SLC45A2: variants seen among roughly 807,000 people sequenced by gnomAD.
The protein encoded by SLC45A2 is membrane-associated transporter protein.
SLC45A2 carries 36 observed loss-of-function variants against 45.5 expected under a neutral mutation model. The ratio of observed to expected loss-of-function variants is 0.79; its 90% CI spans 0.61 to 1.04. SLC45A2 has a LOEUF of 1.04. Among genes scored for constraint, SLC45A2 ranks in the 50% least tolerant of loss-of-function variants. The probability of loss-of-function intolerance (pLI) is 0.00; values close to 1 mark genes in which losing one functional copy is unlikely to be tolerated. For missense variants in SLC45A2, 719 were observed against 671.0 expected (o/e 1.07, Z -0.79); for synonymous variants, 306 against 269.3 (o/e 1.14, Z -1.33).
intron 2 of SLC45A2, chr5:33,970,923 G>A (rs545497757): frequency 7.4e-6 from 3 of 405,310 alleles, no homozygotes; most frequent in Non-Finnish European, 1.4e-5. Context: ...AGAGTGCATG[G>A]AGATGGGCAC....
In SLC45A2 at chr5:33,982,274, T is replaced by C; in HGVS notation, c.524A>G (p.Asp175Gly). ...AYLFDVCSHQDKEKGLHYHAL... is the reference protein window; with the variant it reads ...AYLFDVCSHQGKEKGLHYHAL... ...ATGGTAGTGGAGGCCCTTCTCCTTG[T>C]CCTGATGGGAGCAGACATCAAATAA... The change falls in exon 2 of 7, where the codon GAC becomes GGC. Residue 175 changes from aspartate (D) to glycine (G), a missense_variant. By Grantham distance (94) the Asp-to-Gly change is moderately conservative. Coordinates refer to ENST00000296589, the MANE Select transcript of SLC45A2 (RefSeq NM_016180.5). 6 of 1,614,070 alleles carry C rather than the reference T, an allele frequency of 3.7e-6. No individual in the cohort carries two copies. Among genetic ancestry groups the C allele is most frequent in the Non-Finnish European group, 5.1e-6 (6 of 1,179,988 alleles).
Position 33,951,410 on chromosome 5 carries a change from A to G in SLC45A2, c.1156+144T>C, listed in dbSNP as rs186752380. The G allele has an allele frequency of 2.6e-4, 415 of 1,581,736 alleles. 2 individuals carry two copies. The African/African-American group carries it at 4.4e-3, about 17-fold the overall frequency. Reference sequence around the variant, plus strand: ...AAGGATGCTTTATATGGTCCTTTTTAAGGTGATAGTTTTTCCTGACGTCCA... The same window carrying G: ...AAGGATGCTTTATATGGTCCTTTTTGAGGTGATAGTTTTTCCTGACGTCCA... On this transcript the variant is annotated intron_variant, in intron 5 of 6. Coordinates refer to ENST00000296589, the MANE Select transcript of SLC45A2 (RefSeq NM_016180.5).
rs907784216 is a variant in SLC45A2, at chr5:33,982,154, G to A, written c.562+82C>T. 8.6e-6 allele frequency: 13 copies of A among 1,515,294 alleles called. No homozygotes were observed. The East Asian group carries it at 1.4e-4, about 16-fold the overall frequency. The allele number at this position is 1,515,294 out of a possible 1,614,324, so 93.9% of individuals were successfully genotyped here. ...GACCCGTTCATTCAAAAAACTCCAC[G>A]TGTAGAGACACTGGATGGCTTTAGT... On this transcript the variant is annotated intron_variant, in intron 2 of 6. Transcript: ENST00000296589.
intron 3 of SLC45A2, among the ~76,000 whole-genome samples, chr5:33,959,059 AC>A (rs1373087192): frequency 6.6e-6 from 1 of 152,144 alleles, no homozygotes; most frequent in Non-Finnish European, 1.5e-5. Flanking sequence ...TTATTTGATT[AC>A]TTTTTCCCTT....
chr5:33,963,095 A>C (rs560400307), intron 3 of SLC45A2, among the ~76,000 whole-genome samples: 1 of 152,184 alleles, frequency 6.6e-6, no homozygotes, highest in Admixed American at 6.5e-5. Context: ...TTTTTATTTT[A>C]ATTTAAATAG....
At chr5:33,970,151 G>A (rs914984906) in intron 2 of SLC45A2, among the ~76,000 whole-genome samples, 1 of 152,190 alleles carries the variant, frequency 6.6e-6, no homozygotes, top group African/African-American at 2.4e-5. Flanking sequence ...GTCCCCACCT[G>A]CCTCCCTTGC....
rs1418498300 is a variant in SLC45A2 at position 33,944,838 on chromosome 5, CTGT to C, written c.1400_1402del (p.Asn467del). ...GCAGTCCATGCCCTTCCCTCTCACG[CTGT>C]TGTCTGGGTCCCCTCCTGGGGCCTG... On this transcript the variant is annotated inframe_deletion, in exon 7 of 7. Transcript: ENST00000296589. 7.4e-6 allele frequency: 12 copies of C among 1,613,782 alleles called. No homozygotes were observed. The highest frequency in any genetic ancestry group is 9.3e-6 in the Non-Finnish European group (11 of 1,179,908).
chr5:33,974,783 T>A (rs1752876295), intron 2 of SLC45A2, among the ~76,000 whole-genome samples: 1 of 152,192 alleles, frequency 6.6e-6, no homozygotes, highest in Non-Finnish European at 1.5e-5. Context: ...ATTCACACTT[T>A]GAACACAGGG....
intron 1 of SLC45A2, among the ~76,000 whole-genome samples, chr5:33,983,380 C>A (rs912777080): frequency 6.6e-6 from 1 of 152,250 alleles, no homozygotes; most frequent in African/African-American, 2.4e-5. Context: ...CTACCCGCCA[C>A]TTCTCACCTC....
rs765728530 is a variant in SLC45A2 at position 33,947,380 on chromosome 5, G to A, written c.1157-6C>T. On this transcript the variant is annotated splice_region_variant and splice_polypyrimidine_tract_variant and intron_variant, in intron 5 of 6. Transcript: ENST00000296589. ...TACCAAAACTTTCTGAAAGTCTGTG[G>A]GAAGAAGAGAGGGAGAAATTACAGC... 19 of 1,613,270 alleles carry A rather than the reference G, an allele frequency of 1.2e-5. No individual in the cohort carries two copies. The highest frequency in any genetic ancestry group is 3.3e-4 in the Middle Eastern group (2 of 6,082).
chr5:33,970,079 C>A (rs1405316835), intron 2 of SLC45A2, among the ~76,000 whole-genome samples: 1 of 152,180 alleles, frequency 6.6e-6, no homozygotes. Context: ...AATGAAAAAG[C>A]TGCAGACTAG....
rs751441434 is a variant in SLC45A2, at chr5:33,954,353, T to G, written c.1032+8A>C. On this transcript the variant is annotated splice_region_variant and intron_variant, in intron 4 of 6. Coordinates refer to ENST00000296589, the MANE Select transcript of SLC45A2 (RefSeq NM_016180.5). ...AACAGTGATTGTGTGCACAGACACG[T>G]TCATTACCTGGCCCATGAAATCTGT... is the stretch of plus-strand genomic sequence containing the variant. 6.2e-7 allele frequency: 1 copy of G among 1,614,022 alleles called. No homozygotes were observed. The highest frequency in any genetic ancestry group is 1.1e-5 in the South Asian group (1 of 91,084).
Position 33,982,258 on chromosome 5 carries a change from G to T in SLC45A2, c.540C>A (p.Leu180=), listed in dbSNP as rs1164953908. ...TACCTGTGAAGAGGGCATGGTAGTG[G>T]AGGCCCTTCTCCTTGTCCTGATGGG... The part of the protein sequence containing the change: ...VCSHQDKEKG[L]HYHALFTGFG... Residue 180 remains leucine, a synonymous_variant, in exon 2 of 7, where the codon CTC becomes CTA. Transcript: ENST00000296589. 6.2e-7 allele frequency: 1 copy of T among 1,613,948 alleles called. No individual in the cohort carries two copies. Among genetic ancestry groups the T allele is most frequent in the Non-Finnish European group, 8.5e-7 (1 of 1,179,956 alleles).
At chr5:33,969,400 A>G (rs143737444) in intron 2 of SLC45A2, among the ~76,000 whole-genome samples, 1 of 152,266 alleles carries the variant, frequency 6.6e-6, no homozygotes, top group Admixed American at 6.5e-5. Context: ...CTCTTCAAAG[A>G]TGCTGAGATA....
chr5:33,976,719 T>G (rs1270572193), intron 2 of SLC45A2, among the ~76,000 whole-genome samples: 1 of 152,194 alleles, frequency 6.6e-6, no homozygotes, highest in Non-Finnish European at 1.5e-5. Context: ...AATACTCCAG[T>G]TCCATAACTG....
At chr5:33,973,294 C>T (rs1752836879) in intron 2 of SLC45A2, among the ~76,000 whole-genome samples, 1 of 152,140 alleles carries the variant, frequency 6.6e-6, no homozygotes, top group South Asian at 2.1e-4. Context: ...CTTAATCACC[C>T]TAAATTGCAT....
At chr5:33,947,015 A>T in intron 6 of SLC45A2, 148 bp downstream of exon 6, 6 of 1,592,916 alleles carry the variant, frequency 3.8e-6, no homozygotes, top group Non-Finnish European at 5.1e-6. Context: ...CCTGTACCAG[A>T]TCATGGTTGC....
At chr5:33,947,439 C>CTGA in intron 5 of SLC45A2, 65 bp from the exon 6 acceptor site, 1 of 1,409,344 alleles carries the variant, frequency 7.1e-7, no homozygotes, top group Non-Finnish European at 1.0e-6. Context: ...TAATTTCAGA[C>CTGA]AATCCTTTCT....
intron 2 of SLC45A2, among the ~76,000 whole-genome samples, chr5:33,969,065 C>CTCTCTCTCTCTGTGTGTGTGTG: frequency 1.0e-3 from 104 of 102,468 alleles, no homozygotes; most frequent in African/African-American, 3.6e-3. Flanking sequence ...CTCTCTCTCT[C>CTCTCTCTCTCTGTGTGTGTGTG]TGTGTGTGTG....
Sources: allele counts gnomAD v4.1 joint callset (sites outside exome capture counted in the v4.1 genomes callset), GRCh38; gene constraint gnomAD v4.1.1; transcripts MANE v1.5; gene names NCBI Gene and HGNC (gene_info 2026-07-23, HGNC 2026-07-21).